ARGFX: variants seen among roughly 807,000 people sequenced by gnomAD.
ARGFX encodes the protein arginine-fifty homeobox.
A neutral mutation model predicts 8.0 loss-of-function variants in ARGFX; 10 were observed. The observed-to-expected ratio is 1.25, with a 90% CI of 0.77 to 2.12. The LOEUF is 2.12. Among genes scored for constraint, ARGFX ranks in the 30% most tolerant of loss-of-function variants. The pLI, the probability that ARGFX is intolerant of heterozygous loss-of-function variation, is 0.00. For missense variants in ARGFX, 282 were observed against 324.3 expected (o/e 0.87, Z 1.00); for synonymous variants, 116 against 117.8 (o/e 0.98, Z 0.10).
intron 3 of ARGFX, among the ~76,000 whole-genome samples, chr3:121,581,291 A>G (rs1045655676): frequency 3.3e-5 from 5 of 152,204 alleles, no homozygotes; most frequent in African/African-American, 4.8e-5. Flanking sequence ...TTTACTTTTA[A>G]TAGGTAATTA....
intron 2 of ARGFX, 43 bp downstream of exon 2, chr3:121,570,859 C>A: frequency 3.7e-6 from 5 of 1,341,988 alleles, no homozygotes; most frequent in South Asian, 3.0e-5. Flanking sequence ...TTCTACTGCC[C>A]CATTCTCATG....
rs989761011 is a variant in ARGFX at position 121,586,764 on chromosome 3, C to T, written c.*164C>T. The T allele has an allele frequency of 4.1e-5, 26 of 641,552 alleles. No homozygotes were observed. Among genetic ancestry groups the T allele is most frequent in the East Asian group, 2.5e-4 (9 of 36,154 alleles). 39.7% of individuals were successfully genotyped at this position (641,552 alleles called of 1,614,324 possible). On this transcript the variant is annotated 3_prime_UTR_variant, in exon 5 of 5. Coordinates refer to ENST00000334384, the MANE Select transcript of ARGFX (RefSeq NM_001012659.2). ...GTTTTCCAAGTAGAGCTGGGCACTA[C>T]GTAATCAGCCCCACAAGTCTCCCTG...
At position 121,586,469 on chromosome 3, in the gene ARGFX, G is replaced by C; in HGVS notation, c.817G>C (p.Gly273Arg). ...GGGTTCCTCTCTCAGCATCTTTGCT[G>C]GTCCAGCTGTAGGCCTATCTCCTGC... Reference protein sequence around the residue: ...GQGSSLSIFAGPAVGLSPAQT... With the variant: ...GQGSSLSIFARPAVGLSPAQT... The change falls in exon 5 of 5, where the codon GGT becomes CGT. Residue 273 changes from glycine (G) to arginine (R), a missense_variant. Physicochemically the swap from Gly to Arg is moderately radical, Grantham distance 125 (BLOSUM62 -2). Coordinates refer to ENST00000334384, the MANE Select transcript of ARGFX (RefSeq NM_001012659.2). The C allele has an allele frequency of 6.2e-7, 1 of 1,614,148 alleles. No individual in the cohort carries two copies. The highest frequency in any genetic ancestry group is 1.1e-5 in the South Asian group (1 of 91,084).
intron 1 of ARGFX, 36 bp from the exon 2 acceptor site, chr3:121,570,666 A>G: frequency 2.1e-6 from 3 of 1,398,384 alleles, no homozygotes; most frequent in Non-Finnish European, 3.0e-6. Flanking sequence ...TGAATTCCTC[A>G]TCAGCATTCC....
chr3:121,570,125 T>C (rs2048698302), intron 1 of ARGFX, among the ~76,000 whole-genome samples: 1 of 152,246 alleles, frequency 6.6e-6, no homozygotes, highest in African/African-American at 2.4e-5. Flanking sequence ...TGGCTTTTCC[T>C]TTATTCTTGA....
In ARGFX at chr3:121,576,629, G is replaced by A. The variant is rs143567962; in HGVS notation, c.104-155G>A. 5.5e-3 allele frequency among the ~76,000 whole-genome samples: 841 copies of A among 152,070 alleles called. 15 individuals carry two copies. The highest frequency in any genetic ancestry group is 0.03 in the East Asian group (154 of 5,176). ...TGGGATTACAGGCATGAGCCACCAC[G>A]CCTGACCTTCCAAACTCAAATTTAT... On this transcript the variant is annotated intron_variant, in intron 2 of 4. Transcript: ENST00000334384.
At chr3:121,585,971 A>T in intron 4 of ARGFX, 51 bp from the exon 5 acceptor site, 1 of 1,492,672 alleles carries the variant, frequency 6.7e-7, no homozygotes, top group Non-Finnish European at 9.0e-7. Context: ...GAATCCTCCA[A>T]TGCCTCCTCC....
At chr3:121,569,197 T>G (rs1234407979) in intron 1 of ARGFX, among the ~76,000 whole-genome samples, 1 of 152,176 alleles carries the variant, frequency 6.6e-6, no homozygotes, top group African/African-American at 2.4e-5. Context: ...CCTTTTCTGA[T>G]GCATTACTCT....
At chr3:121,585,170 T>A in intron 4 of ARGFX, 105 bp downstream of exon 4, 2 of 1,262,496 alleles carry the variant, frequency 1.6e-6, no homozygotes, top group Non-Finnish European at 2.2e-6. Flanking sequence ...AATATTTCAT[T>A]AATTGAGTAC....
At chr3:121,577,802 T>G (rs2048752902) in intron 3 of ARGFX, among the ~76,000 whole-genome samples, 1 of 152,076 alleles carries the variant, frequency 6.6e-6, no homozygotes, top group African/African-American at 2.4e-5. Flanking sequence ...TTTTTGTGTG[T>G]GTGGCAAGGT....
intron 3 of ARGFX, among the ~76,000 whole-genome samples, chr3:121,580,224 C>A (rs995950133): frequency 2.6e-5 from 4 of 151,632 alleles, no homozygotes; most frequent in Non-Finnish European, 4.4e-5. Context: ...CTTACTGCAA[C>A]CTCCGCCTCC....
chr3:121,581,011 G>A lies in ARGFX; in HGVS notation c.221-3906G>A, dbSNP rs376854482. 1.2e-4 allele frequency among the ~76,000 whole-genome samples: 18 copies of A among 151,834 alleles called. 1 individual carries two copies. The highest frequency in any genetic ancestry group is 4.2e-4 in the South Asian group (2 of 4,814). On this transcript the variant is annotated intron_variant, in intron 3 of 4. Coordinates refer to ENST00000334384, the MANE Select transcript of ARGFX (RefSeq NM_001012659.2). ...TATTTCTTTTTTGAGGCCGAGTCTCGCTCTGTTGCCCAGGAGTGCAATGGC... is the reference window on the plus strand; with the variant it reads ...TATTTCTTTTTTGAGGCCGAGTCTCACTCTGTTGCCCAGGAGTGCAATGGC...
intron 3 of ARGFX, among the ~76,000 whole-genome samples, chr3:121,583,774 A>G (rs953998005): frequency 6.6e-6 from 1 of 151,768 alleles, no homozygotes; most frequent in Non-Finnish European, 1.5e-5. Context: ...TGATGCTCTT[A>G]CCTTGGCCTC....
intron 3 of ARGFX, among the ~76,000 whole-genome samples, chr3:121,579,487 G>T (rs1012792769): frequency 1.3e-5 from 2 of 152,176 alleles, no homozygotes; most frequent in African/African-American, 4.8e-5. Flanking sequence ...CAGCATCAGT[G>T]ATTCCAGCGT....
At chr3:121,568,430 T>C (rs1281467787) in intron 1 of ARGFX, among the ~76,000 whole-genome samples, 1 of 152,246 alleles carries the variant, frequency 6.6e-6, no homozygotes, top group Non-Finnish European at 1.5e-5. Context: ...TAAATGTGGT[T>C]CTGCTAGTGG....
intron 3 of ARGFX, among the ~76,000 whole-genome samples, chr3:121,582,619 A>C (rs559570570): frequency 6.6e-6 from 1 of 152,218 alleles, no homozygotes; most frequent in South Asian, 2.1e-4. Context: ...TATAGTGTTT[A>C]TTTTTGCCTG....
chr3:121,577,239 A>ATATGTC, intron 3 of ARGFX, among the ~76,000 whole-genome samples: 1 of 61,644 alleles, frequency 1.6e-5, no homozygotes, highest in Middle Eastern at 6.0e-3. Flanking sequence ...ATATATATAT[A>ATATGTC]TATATATATA....
rs757435683 is a variant in ARGFX at position 121,586,293 on chromosome 3, T to A, written c.641T>A (p.Val214Glu). The A allele has an allele frequency of 6.2e-7, 1 of 1,613,520 alleles. No homozygotes were observed. Among genetic ancestry groups the A allele is most frequent in the Non-Finnish European group, 8.5e-7 (1 of 1,179,974 alleles). The change falls in exon 5 of 5, where the codon GTG becomes GAG. Residue 214 changes from valine to glutamate, a missense_variant. Val to Glu is a moderately radical substitution (Grantham distance 121, BLOSUM62 -2). Coordinates refer to ENST00000334384, the MANE Select transcript of ARGFX (RefSeq NM_001012659.2). ...QMQDTQWERLVASVPALYSDA... is the reference protein window; with the variant it reads ...QMQDTQWERLEASVPALYSDA... Reference sequence around the variant, plus strand: ...CAAGATACTCAGTGGGAGAGGCTGGTGGCCTCGGTTCCTGCTTTGTACTCT... The same window carrying A: ...CAAGATACTCAGTGGGAGAGGCTGGAGGCCTCGGTTCCTGCTTTGTACTCT...
At chr3:121,570,618 C>A in intron 1 of ARGFX, 84 bp from the exon 2 acceptor site, 1 of 838,474 alleles carries the variant, frequency 1.2e-6, no homozygotes, top group Non-Finnish European at 1.8e-6. Context: ...GGTCATACAT[C>A]AAGCCCAGGC....
Sources: allele counts gnomAD v4.1 joint callset (sites outside exome capture counted in the v4.1 genomes callset), GRCh38; gene constraint gnomAD v4.1.1; transcripts MANE v1.5; gene names NCBI Gene and HGNC (gene_info 2026-07-23, HGNC 2026-07-21).